Variants in DLG2 observed in about 807,000 individuals in gnomAD.
DLG2 encodes discs large MAGUK scaffold protein 2, also known as disks large homolog 2.
DLG2 carries 45 observed loss-of-function variants against 132.5 expected under a neutral mutation model. That is an observed-to-expected ratio of 0.34 (90% CI 0.27 to 0.44). The LOEUF is 0.44. Ranked by LOEUF, DLG2 falls within the 20% of genes least tolerant of loss-of-function variation. The probability of loss-of-function intolerance (pLI) is 1.00; values close to 1 mark genes in which losing one functional copy is unlikely to be tolerated. For synonymous variants in DLG2, 424 were observed against 419.6 expected, an observed-to-expected ratio of 1.01 and a Z score of -0.13; for missense variants, 1,045 against 1,196.9, an observed-to-expected ratio of 0.87 and a Z score of 1.87.
intron 19 of DLG2, among the ~76,000 whole-genome samples, chr11:83,616,111 T>C (rs903121888): frequency 2.0e-5 from 3 of 152,230 alleles, no homozygotes; most frequent in Non-Finnish European, 4.4e-5. Context: ...TATCCTTTTG[T>C]TCAAATATGC....
chr11:83,989,296 C>T (rs1592493357), intron 11 of DLG2, among the ~76,000 whole-genome samples: 1 of 152,248 alleles, frequency 6.6e-6, no homozygotes, highest in South Asian at 2.1e-4. Context: ...GGCAGCTTCA[C>T]TTTCTGATTC....
chr11:84,971,138 T>C (rs563320660), intron 6 of DLG2, among the ~76,000 whole-genome samples: 38 of 152,304 alleles, frequency 2.5e-4, no homozygotes, highest in African/African-American at 8.9e-4. Context: ...GACGGCAGTA[T>C]TTTAAATAAA....
intron 6 of DLG2, among the ~76,000 whole-genome samples, chr11:84,852,916 A>G (rs2082331102): frequency 6.6e-6 from 1 of 152,062 alleles, no homozygotes; most frequent in Admixed American, 6.6e-5. Flanking sequence ...GAACCTCCAC[A>G]CAGACCAAAT....
rs541061533 is a variant in DLG2 at position 84,421,348 on chromosome 11, C to A, written c.519+113222G>T. ...TGTCTGCAATTGTCAAAACAGGATC[C>A]CAGAGCAGCAAGCGGGGCCAGTAAA... On this transcript the variant is annotated intron_variant, in intron 7 of 27. Coordinates refer to ENST00000376104, the MANE Select transcript of DLG2 (RefSeq NM_001142699.3). Among the ~76,000 whole-genome samples, 227 of 152,204 alleles carry A rather than the reference C, an allele frequency of 1.5e-3. 10 individuals carry two copies. The Middle Eastern group carries it at 0.027, about 18-fold the overall frequency.
At chr11:85,506,710 A>G (rs967860168) in intron 3 of DLG2, among the ~76,000 whole-genome samples, 11 of 152,072 alleles carry the variant, frequency 7.2e-5, no homozygotes, top group South Asian at 2.1e-4. Flanking sequence ...TGGGGTGGAG[A>G]GTTCTGTAGA....
chr11:84,254,631 C>T (rs2097436203), intron 7 of DLG2, among the ~76,000 whole-genome samples: 1 of 152,010 alleles, frequency 6.6e-6, no homozygotes, highest in Admixed American at 6.6e-5. Flanking sequence ...TCCAATATCA[C>T]TTTCTTTCTT....
intron 6 of DLG2, among the ~76,000 whole-genome samples, chr11:84,980,343 G>T (rs11605346): frequency 6.6e-6 from 1 of 152,044 alleles, no homozygotes; most frequent in Admixed American, 6.6e-5. Flanking sequence ...TTCTCACCAA[G>T]AATAAGGCCT....
intron 3 of DLG2, among the ~76,000 whole-genome samples, chr11:85,376,231 G>C (rs1409206501): frequency 3.9e-5 from 6 of 152,194 alleles, no homozygotes; most frequent in Non-Finnish European, 8.8e-5. Context: ...AGGGAGGAGA[G>C]ATGAAATCTA....
chr11:85,004,342 T>C (rs1040434256), intron 6 of DLG2, among the ~76,000 whole-genome samples: 1 of 152,194 alleles, frequency 6.6e-6, no homozygotes, highest in Non-Finnish European at 1.5e-5. Flanking sequence ...ACCAACAGCA[T>C]AAAAGCATTC....
intron 6 of DLG2, among the ~76,000 whole-genome samples, chr11:84,846,151 A>G (rs1251677064): frequency 6.6e-6 from 1 of 152,042 alleles, no homozygotes; most frequent in African/African-American, 2.4e-5. Context: ...TATCATACAT[A>G]TTCTTATGAG....
At chr11:83,990,518 G>A (rs1234092052) in intron 11 of DLG2, among the ~76,000 whole-genome samples, 2 of 152,176 alleles carry the variant, frequency 1.3e-5, no homozygotes, top group African/African-American at 4.8e-5. Flanking sequence ...CCTACGCTGA[G>A]GAGGAGGTGT....
At chr11:84,311,919 C>T (rs1015245644) in intron 7 of DLG2, among the ~76,000 whole-genome samples, 2 of 152,308 alleles carry the variant, frequency 1.3e-5, no homozygotes, top group East Asian at 1.9e-4. Context: ...TTAACAAACA[C>T]GTACAACATT....
At chr11:85,407,656 T>G (rs1380552484) in intron 3 of DLG2, among the ~76,000 whole-genome samples, 1 of 151,566 alleles carries the variant, frequency 6.6e-6, no homozygotes, top group Non-Finnish European at 1.5e-5. Flanking sequence ...CTATGTAGAG[T>G]ATGTTACCAC....
chr11:83,739,440 A>G (rs1282034228), intron 18 of DLG2, among the ~76,000 whole-genome samples: 4 of 152,318 alleles, frequency 2.6e-5, no homozygotes, highest in Non-Finnish European at 4.4e-5. Flanking sequence ...GACATAAAGA[A>G]AAATATGCAT....
intron 7 of DLG2, among the ~76,000 whole-genome samples, chr11:84,425,170 T>C (rs534570832): frequency 3.9e-5 from 6 of 152,226 alleles, no homozygotes; most frequent in African/African-American, 1.4e-4. Context: ...AAATGAGTAT[T>C]TGTTGAATTG....
At chr11:85,380,014 C>T (rs1482581612) in intron 3 of DLG2, among the ~76,000 whole-genome samples, 1 of 152,070 alleles carries the variant, frequency 6.6e-6, no homozygotes, top group Non-Finnish European at 1.5e-5. Flanking sequence ...TCTGTATCAA[C>T]AAAATATAAA....
chr11:84,152,310 T>C (rs1023660073), intron 9 of DLG2, among the ~76,000 whole-genome samples: 11 of 143,584 alleles, frequency 7.7e-5, no homozygotes, highest in African/African-American at 2.6e-4. Context: ...TTTGTCACTT[T>C]TGACTTGTTA....
At chr11:85,511,143 G>A (rs2094057342) in intron 3 of DLG2, among the ~76,000 whole-genome samples, 1 of 152,014 alleles carries the variant, frequency 6.6e-6, no homozygotes, top group African/African-American at 2.4e-5. Flanking sequence ...AACACCGCAT[G>A]TTCTCACTCA....
intron 7 of DLG2, among the ~76,000 whole-genome samples, chr11:84,284,279 G>A (rs1358388364): frequency 6.6e-6 from 1 of 152,194 alleles, no homozygotes; most frequent in African/African-American, 2.4e-5. Flanking sequence ...TCCTATTTGA[G>A]AGAGTGATAC....
Sources: gnomAD v4.1 joint callset for allele counts (sites outside exome capture counted in the v4.1 genomes callset) on GRCh38, gnomAD v4.1.1 for gene constraint, MANE v1.5 for transcripts, NCBI Gene and HGNC (gene_info 2026-07-23, HGNC 2026-07-21) for gene names.